TTLL7: variants seen among roughly 807,000 people sequenced by gnomAD.
The protein encoded by TTLL7 is tubulin tyrosine ligase like 7, also known as tubulin polyglutamylase TTLL7.
Under a neutral mutation model 120.2 loss-of-function variants are expected in TTLL7, and 53 were observed. The ratio of observed to expected loss-of-function variants is 0.44; its 90% CI spans 0.35 to 0.55. TTLL7 has a LOEUF of 0.55. TTLL7 is among the 20% of genes least tolerant of loss of function. The pLI is 0.00. For synonymous variants in TTLL7, 353 were observed against 351.7 expected (o/e 1.00, Z -0.04); for missense variants, 803 against 1,054.7 (o/e 0.76, Z 3.31).
chr1:83,928,262 T>C (rs1227605571), intron 10 of TTLL7, among the ~76,000 whole-genome samples: 1 of 152,164 alleles, frequency 6.6e-6, no homozygotes, highest in Non-Finnish European at 1.5e-5. Flanking sequence ...TAAAAATTGC[T>C]TGGAAGCATA....
At chr1:83,951,697 C>G (rs1453498535) in intron 3 of TTLL7, 148 bp downstream of exon 3, 7 of 838,730 alleles carry the variant, frequency 8.3e-6, no homozygotes, top group Non-Finnish European at 8.8e-6. Flanking sequence ...AAGAATCCTT[C>G]TAATATGTTA....
At chr1:83,873,130 T>C (rs1322877913) in intron 20 of TTLL7, among the ~76,000 whole-genome samples, 3 of 152,200 alleles carry the variant, frequency 2.0e-5, no homozygotes, top group Non-Finnish European at 4.4e-5. Flanking sequence ...AAAGATATTA[T>C]ATATGCCGCA....
At chr1:83,911,075 T>A in intron 15 of TTLL7, 90 bp downstream of exon 15, 1 of 1,070,946 alleles carries the variant, frequency 9.3e-7, no homozygotes, top group Non-Finnish European at 1.4e-6. Flanking sequence ...CACAACAGGG[T>A]TCATTTGGCC....
intron 18 of TTLL7, among the ~76,000 whole-genome samples, chr1:83,894,878 G>A (rs761264460): frequency 4.3e-4 from 65 of 151,978 alleles, no homozygotes; most frequent in East Asian, 3.9e-4. Context: ...AGGAGCCTCC[G>A]CAAGAAGGCA....
chr1:83,908,928 A>T (rs1047243002), intron 15 of TTLL7, among the ~76,000 whole-genome samples: 2 of 151,942 alleles, frequency 1.3e-5, no homozygotes, highest in South Asian at 2.1e-4. Flanking sequence ...ATAAAAGATT[A>T]AAAAAAACTT....
At position 83,869,824 on chromosome 1, in the gene TTLL7, T is replaced by A; in HGVS notation, c.*138A>T. 1 of 738,334 alleles carries A rather than the reference T, an allele frequency of 1.4e-6. No individual in the cohort carries two copies. Among genetic ancestry groups the A allele is most frequent in the South Asian group, 2.3e-5 (1 of 42,836 alleles). 45.7% of individuals were successfully genotyped at this position (738,334 alleles called of 1,614,324 possible). A position where few individuals can be genotyped will look rare whatever the true frequency, so the allele number is the denominator to read the frequency against. On this transcript the variant is annotated 3_prime_UTR_variant, in exon 21 of 21. Transcript: ENST00000260505. The stretch of plus-strand genomic sequence containing the variant: ...TAAATATATGTTATTAGGGTGCATA[T>A]GTGCATATATTTTCACACATATATA...
chr1:83,908,333 A>AG (rs1657381784), intron 15 of TTLL7, among the ~76,000 whole-genome samples: 1 of 151,982 alleles, frequency 6.6e-6, no homozygotes, highest in South Asian at 2.1e-4. Flanking sequence ...ATGAGAAAAA[A>AG]AACAGTAATA....
chr1:83,954,208 T>G (rs959400395), intron 1 of TTLL7, among the ~76,000 whole-genome samples: 4 of 152,178 alleles, frequency 2.6e-5, no homozygotes, highest in Non-Finnish European at 5.9e-5. Flanking sequence ...CTATACTAGA[T>G]TCTAAAAACA....
At chr1:83,929,337 T>G in intron 9 of TTLL7, 107 bp from the exon 10 acceptor site, 1 of 742,324 alleles carries the variant, frequency 1.3e-6, no homozygotes, top group Non-Finnish European at 2.2e-6. Flanking sequence ...ACATTAAACC[T>G]CAAAGCTTTA....
In TTLL7 at chr1:83,892,395, T is replaced by C. The variant is rs1200501053; in HGVS notation, c.2209-1914A>G. 3.0e-4 allele frequency among the ~76,000 whole-genome samples: 40 copies of C among 131,672 alleles called. 1 individual carries two copies. Among genetic ancestry groups the C allele is most frequent in the African/African-American group, 1.0e-3 (38 of 36,774 alleles). 86.4% of individuals were successfully genotyped at this position (131,672 alleles called of 152,430 possible). ...GAATATATATGAATATATATACGAA[T>C]ATATATGAACATATATATGAACATA... On this transcript the variant is annotated intron_variant, in intron 18 of 20. Coordinates refer to ENST00000260505, the MANE Select transcript of TTLL7 (RefSeq NM_024686.6).
At chr1:83,922,413 G>A (rs1236002820) in intron 10 of TTLL7, among the ~76,000 whole-genome samples, 1 of 152,088 alleles carries the variant, frequency 6.6e-6, no homozygotes, top group Admixed American at 6.6e-5. Context: ...TTCATCATGA[G>A]ATTGCATGAA....
At chr1:83,966,004 T>C (rs1650429736) in intron 1 of TTLL7, among the ~76,000 whole-genome samples, 1 of 152,302 alleles carries the variant, frequency 6.6e-6, no homozygotes, top group South Asian at 2.1e-4. Context: ...TTGTGATGAT[T>C]ACTGTTATGT....
rs1207937216 is a variant in TTLL7, at chr1:83,865,050, TTATAG to T, written c.*4907_*4911del. On this transcript the variant is annotated 3_prime_UTR_variant, in exon 21 of 21. Transcript: ENST00000260505. ...AGCTTTCTTAGGTTAAACTTTTTTA[TTATAG>T]TAATGTATCAGAGTAATTGAAATAA... The T allele has an allele frequency of 6.6e-6, 1 of 151,660 alleles. No homozygotes were observed. The highest frequency in any genetic ancestry group is 2.4e-5 in the African/African-American group (1 of 41,296). The allele number at this position is 151,660 out of a possible 1,614,324, so 9.4% of individuals were successfully genotyped here. A position where few individuals can be genotyped will look rare whatever the true frequency, so the allele number is the denominator to read the frequency against.
intron 19 of TTLL7, among the ~76,000 whole-genome samples, chr1:83,887,687 C>G (rs556287118): frequency 6.0e-4 from 91 of 152,104 alleles, no homozygotes; most frequent in Non-Finnish European, 1.1e-3. Context: ...CAACCATTGG[C>G]AAATCTGCTT....
chr1:83,930,355 T>A (rs1451922609), intron 9 of TTLL7, among the ~76,000 whole-genome samples: 2 of 152,156 alleles, frequency 1.3e-5, no homozygotes, highest in Non-Finnish European at 2.9e-5. Flanking sequence ...ACTCCTTTTA[T>A]AGAGATATGC....
At chr1:83,890,142 A>G (rs907990699) in intron 19 of TTLL7, among the ~76,000 whole-genome samples, 179 bp downstream of exon 19, 8 of 152,130 alleles carry the variant, frequency 5.3e-5, no homozygotes, top group African/African-American at 1.9e-4. Context: ...TTGTGTTCAT[A>G]TTCATCATCT....
At chr1:83,942,382 A>G in intron 7 of TTLL7, 81 bp downstream of exon 7, 1 of 1,157,078 alleles carries the variant, frequency 8.6e-7, no homozygotes, top group Non-Finnish European at 1.2e-6. Context: ...TCATTCATAC[A>G]ATCTATATGC....
chr1:83,921,873 A>G (rs748281507), intron 10 of TTLL7, among the ~76,000 whole-genome samples: 11 of 152,032 alleles, frequency 7.2e-5, no homozygotes, highest in Non-Finnish European at 1.2e-4. Context: ...TCTTTAATAC[A>G]TTTTCATTTC....
intron 19 of TTLL7, among the ~76,000 whole-genome samples, chr1:83,887,538 C>G (rs1040604163): frequency 5.9e-5 from 9 of 152,208 alleles, no homozygotes; most frequent in Non-Finnish European, 1.3e-4. Flanking sequence ...ATTAAACTCA[C>G]CTCTTTAAAC....
Sources: allele counts gnomAD v4.1 joint callset (sites outside exome capture counted in the v4.1 genomes callset), GRCh38; gene constraint gnomAD v4.1.1; transcripts MANE v1.5; gene names NCBI Gene and HGNC (gene_info 2026-07-23, HGNC 2026-07-21).